HRC: variants seen among roughly 807,000 people sequenced by gnomAD.
HRC encodes the protein sarcoplasmic reticulum histidine-rich calcium-binding protein.
HRC carries 41 observed loss-of-function variants against 61.4 expected under a neutral mutation model. That is an observed-to-expected ratio of 0.67 (90% CI 0.52 to 0.87). The LOEUF is 0.87. Among genes scored for constraint, HRC ranks in the 40% least tolerant of loss-of-function variants. HRC has a pLI of 0.00. For synonymous variants in HRC, 308 were observed against 326.6 expected (o/e 0.94, Z 0.62); for missense variants, 839 against 885.8 (o/e 0.95, Z 0.67).
intron 4 of HRC, 122 bp downstream of exon 4, chr19:49,151,882 C>T (rs2041363095): frequency 3.1e-6 from 3 of 967,874 alleles, no homozygotes; most frequent in East Asian, 5.2e-5. Context: ...AGAGCCTTGG[C>T]CACGCCTCCC....
Position 49,153,350 on chromosome 19 carries a change from A to C in HRC, c.1832-19T>G. On this transcript the variant is annotated intron_variant, in intron 1 of 5. Transcript: ENST00000252825. This position sits in a 1 kb window ranked among gnomAD's most constrained non-coding sequence, Gnocchi z 4.8. ...TGTGGACCTGCGGGGACAGGAGGGC[A>C]GCAGTGACCCAGGCTGACTCGGTTC... The C allele has an allele frequency of 6.2e-7, 1 of 1,613,140 alleles. No individual in the cohort carries two copies. Among genetic ancestry groups the C allele is most frequent in the South Asian group, 1.1e-5 (1 of 91,060 alleles).
chr19:49,151,899 G>T, intron 4 of HRC, 105 bp downstream of exon 4: 5 of 1,161,394 alleles, frequency 4.3e-6, no homozygotes, highest in South Asian at 2.6e-5. Flanking sequence ...TCCCCTCTTA[G>T]CCCCGCCCCA....
intron 2 of HRC, among the ~76,000 whole-genome samples, chr19:49,152,652 C>T (rs553521790): frequency 1.6e-4 from 24 of 152,108 alleles, no homozygotes; most frequent in African/African-American, 5.5e-4. Context: ...TCACTGCAAC[C>T]TCCGTCTCCC....
intron 2 of HRC, 36 bp from the exon 3 acceptor site, chr19:49,152,414 T>G: frequency 1.3e-6 from 2 of 1,589,784 alleles, no homozygotes; most frequent in Non-Finnish European, 1.7e-6. Flanking sequence ...ATGGAAACTC[T>G]AACGCCACTT....
Position 49,152,386 on chromosome 19 carries a change from C to G in HRC, c.1903-8G>C, listed in dbSNP as rs570564414. The G allele has an allele frequency of 6.2e-7, 1 of 1,612,670 alleles. No homozygotes were observed. The highest frequency in any genetic ancestry group is 8.5e-7 in the Non-Finnish European group (1 of 1,179,436). ...CTCACATTCAGTGCATCGCTGGGGA[C>G]CGGGGGAGCCTGGTTAGATGGAAAC... is the stretch of plus-strand genomic sequence containing the variant. On this transcript the variant is annotated splice_polypyrimidine_tract_variant and splice_region_variant and intron_variant, in intron 2 of 5. Transcript: ENST00000252825.
chr19:49,154,683 A>G lies in HRC; in HGVS notation c.555T>C (p.His185=), dbSNP rs1158248426. Residue 185 remains histidine (H), a synonymous_variant, in exon 1 of 6, where the codon CAT becomes CAC. Transcript: ENST00000252825. ...HHILRHGHRG[H]DGEDDEGEEE... is the part of the protein sequence containing the mutation. The stretch of plus-strand genomic sequence containing the variant: ...CTTCTCCTTCATCATCTTCCCCATC[A>G]TGGCCTCGGTGTCCATGCCTGAGGA... 1.9e-6 allele frequency: 3 copies of G among 1,612,978 alleles called. No homozygotes were observed. In the Admixed American group the frequency reaches 5.0e-5, roughly 27 times the overall value.
Position 49,154,827 on chromosome 19 carries a change from G to A in HRC, c.411C>T (p.His137=), listed in dbSNP as rs57897109. ...HGGQARGHRG[H]GSEDTEDSAE... is the part of the protein sequence containing the mutation. ...CTGAGTCTTCCGTGTCTTCACTCCCGTGGCCTCTGTGCCCACGGGCCTGCC... is the reference window on the plus strand; with the variant it reads ...CTGAGTCTTCCGTGTCTTCACTCCCATGGCCTCTGTGCCCACGGGCCTGCC... Residue 137 remains histidine, a synonymous_variant, in exon 1 of 6, where the codon CAC becomes CAT. Transcript: ENST00000252825. The A allele has an allele frequency of 0.05, 79,988 of 1,613,900 alleles. 3,529 individuals carry two copies. The highest frequency in any genetic ancestry group is 0.24 in the African/African-American group (18,065 of 74,898).
intron 3 of HRC, 43 bp downstream of exon 3, chr19:49,152,267 T>TCCTGAGGC (rs1216043020): frequency 6.4e-7 from 1 of 1,560,412 alleles, no homozygotes; most frequent in South Asian, 1.1e-5. Context: ...TCCCGGTGCA[T>TCCTGAGGC]CCTGAGGCCC....
In HRC at chr19:49,152,296, A is replaced by C; in HGVS notation, c.1971+14T>G. 1 of 1,607,432 alleles carries C rather than the reference A, an allele frequency of 6.2e-7. No homozygotes were observed. The highest frequency in any genetic ancestry group is 8.5e-7 in the Non-Finnish European group (1 of 1,175,036). ...GAGGCCCAGTGGAGCCTTGAGTGTGAGGTGAGGTCTCACCTGGCACTGGTC... is the reference window on the plus strand; with the variant it reads ...GAGGCCCAGTGGAGCCTTGAGTGTGCGGTGAGGTCTCACCTGGCACTGGTC... On this transcript the variant is annotated intron_variant, in intron 3 of 5. Transcript: ENST00000252825.
At position 49,154,443 on chromosome 19, in the gene HRC, T is replaced by G; in HGVS notation, c.795A>C (p.Glu265Asp). ...GGTGCCTGTGAGCCTGGTGTCTATA[T>G]TCAATGGAGACATCATCATCATCAT... ...DDDDDDDVSI[E>D]YRHQAHRHQG... is the part of the protein sequence containing the mutation. Residue 265 changes from glutamate (E) to aspartate (D), a missense_variant, in exon 1 of 6, where the codon GAA becomes GAC. Physicochemically the swap from Glu to Asp is conservative, Grantham distance 45. Coordinates refer to ENST00000252825, the MANE Select transcript of HRC (RefSeq NM_002152.3). 1 of 1,582,800 alleles carries G rather than the reference T, an allele frequency of 6.3e-7. No homozygotes were observed. Among genetic ancestry groups the G allele is most frequent in the East Asian group, 2.3e-5 (1 of 44,094 alleles).
rs1344233290 is a variant in HRC, at chr19:49,153,705, A to C, written c.1533T>G (p.His511Gln). 1.2e-6 allele frequency: 2 copies of C among 1,613,802 alleles called. No individual in the cohort carries two copies. The highest frequency in any genetic ancestry group is 4.5e-5 in the East Asian group (2 of 44,860). Residue 511 changes from histidine (H) to glutamine (Q), a missense_variant, in exon 1 of 6, where the codon CAT becomes CAG. Transcript: ENST00000252825. This position sits in a 1 kb window ranked among gnomAD's most constrained non-coding sequence, Gnocchi z 4.8. Reference protein sequence around the residue: ...SSEQGEKGTHHGSRDQEDEED... With the variant: ...SSEQGEKGTHQGSRDQEDEED... ...CCTCATCTTCCTGGTCCCGGCTGCC[A>C]TGATGGGTGCCTTTCTCTCCCTGCT... is the stretch of plus-strand genomic sequence containing the variant.
At chr19:49,151,623 G>A (rs2041360217) in intron 4 of HRC, 70 bp from the exon 5 acceptor site, 2 of 1,381,320 alleles carry the variant, frequency 1.4e-6, no homozygotes, top group Non-Finnish European at 2.1e-6. Context: ...ACTCAGTATA[G>A]CGTGCGAGAT....
In HRC at chr19:49,155,175, G is replaced by A. The variant is rs764367539; in HGVS notation, c.63C>T (p.Leu21=). 37 of 1,613,232 alleles carry A rather than the reference G, an allele frequency of 2.3e-5. No individual in the cohort carries two copies. The highest frequency in any genetic ancestry group is 1.0e-4 in the Admixed American group (6 of 59,998). The change falls in exon 1 of 6, where the codon CTC becomes CTT. Residue 21 remains leucine, a synonymous_variant. Transcript: ENST00000252825. The surrounding 1 kb of genome is among the most constrained non-coding windows in gnomAD (Gnocchi z 4.7). ...SVLWAGVASL[L]LPPAMTQQLR... is the part of the protein sequence containing the mutation. ...GCTGCTGGGTCATGGCCGGGGGGAG[G>A]AGCAGGCTGGCCACCCCAGCCCAGA...
chr19:49,155,244 G>T lies in HRC; in HGVS notation c.-7C>A. 6.3e-7 allele frequency: 1 copy of T among 1,586,870 alleles called. No homozygotes were observed. On this transcript the variant is annotated 5_prime_UTR_variant, in exon 1 of 6. Coordinates refer to ENST00000252825, the MANE Select transcript of HRC (RefSeq NM_002152.3). The surrounding 1 kb of genome is among the most constrained non-coding windows in gnomAD (Gnocchi z 4.7). ...ATGGCCTATGGTGGCCCATGGGGAC[G>T]GACAGGCAGCACTGGCTCCAGCTGC...
rs1383171982 is a variant in HRC at position 49,154,492 on chromosome 19, T to C, written c.746A>G (p.Asp249Gly). 2 of 1,588,562 alleles carry C rather than the reference T, an allele frequency of 1.3e-6. No individual in the cohort carries two copies. Among genetic ancestry groups the C allele is most frequent in the African/African-American group, 2.7e-5 (2 of 73,944 alleles). ...ATCATCATCATCATCATCATCATCATCATCGTCATCTTCTTCATGGCCTTG... is the reference window on the plus strand; with the variant it reads ...ATCATCATCATCATCATCATCATCACCATCGTCATCTTCTTCATGGCCTTG... ...RHQGHEEDDD[D>G]DDDDDDDDDD... The change falls in exon 1 of 6, where the codon GAT (aspartate) becomes GGT (glycine). Residue 249 changes from aspartate to glycine, a missense_variant. Physicochemically the swap from Asp to Gly is moderately conservative, Grantham distance 94. Transcript: ENST00000252825.
chr19:49,154,700 G>A lies in HRC; in HGVS notation c.538C>T (p.His180Tyr). The stretch of plus-strand genomic sequence containing the variant: ...TCCCCATCATGGCCTCGGTGTCCAT[G>A]CCTGAGGATATGATGGTGATGCTCA... ...SSEHHHHILR[H>Y]GHRGHDGEDD... The change falls in exon 1 of 6, where the codon CAT (histidine) becomes TAT (tyrosine). Residue 180 changes from histidine (H) to tyrosine (Y), a missense_variant. Transcript: ENST00000252825. The A allele has an allele frequency of 6.2e-7, 1 of 1,613,814 alleles. No homozygotes were observed. The highest frequency in any genetic ancestry group is 8.5e-7 in the Non-Finnish European group (1 of 1,180,000).
At position 49,154,952 on chromosome 19, in the gene HRC, A is replaced by C. The variant is rs3745297; in HGVS notation, c.286T>G (p.Ser96Ala). 666,411 of 1,613,824 alleles carry C rather than the reference A, an allele frequency of 0.41. 139,540 individuals carry two copies. The highest frequency in any genetic ancestry group is 0.49 in the Admixed American group (29,103 of 60,004). The change falls in exon 1 of 6, where the codon TCC becomes GCC. Residue 96 changes from serine to alanine, a missense_variant. Coordinates refer to ENST00000252825, the MANE Select transcript of HRC (RefSeq NM_002152.3). The stretch of plus-strand genomic sequence containing the variant: ...GGGAGTAGGTGCCCATATTCCTTGG[A>C]GACATCTTCATCCTCCTTTTCACGG... ...PDREKEDEDVSKEYGHLLPGH... is the reference protein window; with the variant it reads ...PDREKEDEDVAKEYGHLLPGH...
Position 49,154,131 on chromosome 19 carries a change from G to C in HRC, c.1107C>G (p.Val369=). 1 of 1,614,112 alleles carries C rather than the reference G, an allele frequency of 6.2e-7. No homozygotes were observed. Among genetic ancestry groups the C allele is most frequent in the Non-Finnish European group, 8.5e-7 (1 of 1,180,034 alleles). Residue 369 remains valine, a synonymous_variant, in exon 1 of 6, where the codon GTC becomes GTG. Transcript: ENST00000252825. ...TERWHQGPQH[V]HHGLVDEEEE... is the part of the protein sequence containing the mutation. ...CTTCCTCATCTACAAGGCCATGGTG[G>C]ACATGTTGGGGACCCTGGTGCCAAC...
In HRC at chr19:49,151,285, G is replaced by T; in HGVS notation, c.*11C>A. The stretch of plus-strand genomic sequence containing the variant: ...GGGGAGGTACACCTGCGTCGCAGTC[G>T]AGCGACTGGGTCAGGGTTCCGGCGT... On this transcript the variant is annotated 3_prime_UTR_variant, in exon 6 of 6. Coordinates refer to ENST00000252825, the MANE Select transcript of HRC (RefSeq NM_002152.3). 1 of 1,548,924 alleles carries T rather than the reference G, an allele frequency of 6.5e-7. No homozygotes were observed. Among genetic ancestry groups the T allele is most frequent in the South Asian group, 1.2e-5 (1 of 84,320 alleles).
Sources: gnomAD v4.1 joint callset for allele counts (sites outside exome capture counted in the v4.1 genomes callset) on GRCh38, gnomAD v4.1.1 for gene constraint, Gnocchi (gnomAD v3.1) non-coding constraint, MANE v1.5 for transcripts, NCBI Gene and HGNC (gene_info 2026-07-23, HGNC 2026-07-21) for gene names.